Variants in SRGAP1 observed in about 807,000 individuals in gnomAD.
The protein encoded by SRGAP1 is SLIT-ROBO Rho GTPase-activating protein 1.
Under a neutral mutation model 121.9 loss-of-function variants are expected in SRGAP1, and 43 were observed. That is an observed-to-expected ratio of 0.35 (90% confidence interval 0.28 to 0.46). The LOEUF (loss-of-function observed/expected upper bound fraction) is 0.46. Among genes scored for constraint, SRGAP1 ranks in the 20% least tolerant of loss-of-function variants. The probability of loss-of-function intolerance (pLI) is 1.00; values close to 1 mark genes in which losing one functional copy is unlikely to be tolerated. For synonymous variants in SRGAP1, 447 were observed against 485.4 expected (o/e 0.92, Z 1.04); for missense variants, 1,102 against 1,350.9 (o/e 0.82, Z 2.89).
At chr12:63,981,747 C>CA (rs1453129301) in intron 1 of SRGAP1, among the ~76,000 whole-genome samples, 5 of 152,312 alleles carry the variant, frequency 3.3e-5, no homozygotes, top group Middle Eastern at 6.8e-3. Flanking sequence ...CAAGCAAGGA[C>CA]ACTTGAGAAA....
chr12:63,998,761 C>T (rs867363783), intron 3 of SRGAP1, among the ~76,000 whole-genome samples: 3 of 152,092 alleles, frequency 2.0e-5, no homozygotes, highest in South Asian at 2.1e-4. Flanking sequence ...GCATGAACTT[C>T]CTTAGAGAGA....
intron 6 of SRGAP1, among the ~76,000 whole-genome samples, chr12:64,051,002 G>A (rs1341486751): frequency 6.6e-6 from 1 of 152,198 alleles, no homozygotes; most frequent in Non-Finnish European, 1.5e-5. Context: ...GGGATTACAG[G>A]CTTGAGCCAC....
chr12:63,858,990 A>G (rs768772358), intron 1 of SRGAP1, among the ~76,000 whole-genome samples: 1 of 152,024 alleles, frequency 6.6e-6, no homozygotes, highest in Non-Finnish European at 1.5e-5. Flanking sequence ...GGCGTGAGCC[A>G]CTGTGCCTGG....
At chr12:63,927,683 C>T (rs1006000914) in intron 1 of SRGAP1, among the ~76,000 whole-genome samples, 1 of 152,142 alleles carries the variant, frequency 6.6e-6, no homozygotes, top group African/African-American at 2.4e-5. Context: ...ATATAAAATA[C>T]TGTTTCCTTT....
At chr12:63,988,907 T>C (rs1593009479) in intron 2 of SRGAP1, among the ~76,000 whole-genome samples, 2 of 152,032 alleles carry the variant, frequency 1.3e-5, no homozygotes, top group Admixed American at 1.3e-4. Flanking sequence ...ACCTCCTAGG[T>C]TTGAGCAATT....
intron 1 of SRGAP1, among the ~76,000 whole-genome samples, chr12:63,911,850 G>T (rs1015588501): frequency 3.3e-5 from 5 of 152,120 alleles, no homozygotes; most frequent in African/African-American, 1.2e-4. Context: ...CTAATTTTAG[G>T]GATAACTAAG....
At chr12:63,900,656 C>CA (rs1407756282) in intron 1 of SRGAP1, among the ~76,000 whole-genome samples, 1 of 151,412 alleles carries the variant, frequency 6.6e-6, no homozygotes, top group Non-Finnish European at 1.5e-5. Flanking sequence ...CTACTAAAAA[C>CA]ACAAAAAATT....
chr12:63,898,962 C>T (rs1355923713), intron 1 of SRGAP1, among the ~76,000 whole-genome samples: 1 of 152,150 alleles, frequency 6.6e-6, no homozygotes, highest in African/African-American at 2.4e-5. Flanking sequence ...TTAAGTTTCA[C>T]TATTGTTTTT....
intron 8 of SRGAP1, 42 bp downstream of exon 8, chr12:64,065,261 A>T (rs2035518188): frequency 1.4e-6 from 2 of 1,473,118 alleles, no homozygotes; most frequent in South Asian, 2.4e-5. Flanking sequence ...ATCTGAATTC[A>T]AATATAACTG....
At chr12:64,067,342 C>G (rs1173584080) in intron 8 of SRGAP1, among the ~76,000 whole-genome samples, 1 of 152,238 alleles carries the variant, frequency 6.6e-6, no homozygotes, top group East Asian at 1.9e-4. Flanking sequence ...CCTAGGAGTT[C>G]GAGACTGCAC....
At chr12:63,956,057 A>G (rs181676012) in intron 1 of SRGAP1, among the ~76,000 whole-genome samples, 15 of 152,304 alleles carry the variant, frequency 9.8e-5, no homozygotes, top group African/African-American at 3.6e-4. Flanking sequence ...TTTGCATGAC[A>G]TAAGAGTGAT....
intron 1 of SRGAP1, among the ~76,000 whole-genome samples, chr12:63,934,776 C>CCCAG (rs1176334573): frequency 6.6e-6 from 1 of 152,146 alleles, no homozygotes; most frequent in Non-Finnish European, 1.5e-5. Flanking sequence ...TCAGCCCCTG[C>CCCAG]CTGGCCCTTT....
intron 16 of SRGAP1, among the ~76,000 whole-genome samples, chr12:64,110,137 G>T (rs903441143): frequency 1.2e-4 from 19 of 152,076 alleles, no homozygotes; most frequent in Non-Finnish European, 1.6e-4. Context: ...ACTCACTCAG[G>T]CAGTTTTAAA....
chr12:63,866,123 C>G (rs761736826), intron 1 of SRGAP1, among the ~76,000 whole-genome samples: 6 of 152,184 alleles, frequency 3.9e-5, no homozygotes, highest in Non-Finnish European at 5.9e-5. Flanking sequence ...TTCCAATATG[C>G]TTCAAATGCT....
intron 18 of SRGAP1, among the ~76,000 whole-genome samples, chr12:64,116,911 T>C (rs545168261): frequency 1.3e-5 from 2 of 152,276 alleles, no homozygotes. Flanking sequence ...GTGAAGACTT[T>C]GGTGTGCTTT....
chr12:63,861,992 A>T (rs1229295113), intron 1 of SRGAP1, among the ~76,000 whole-genome samples: 1 of 152,064 alleles, frequency 6.6e-6, no homozygotes, highest in African/African-American at 2.4e-5. Flanking sequence ...GTGGTGGCGC[A>T]TGCCTGTAAT....
In SRGAP1 at chr12:64,036,633, C is replaced by A. The variant is rs111287280; in HGVS notation, c.490-6157C>A. ...TTTCTTTTCTGAGAGGCCATAAATTCCAACACTAACCATATTTCACAAATG... is the reference window on the plus strand; with the variant it reads ...TTTCTTTTCTGAGAGGCCATAAATTACAACACTAACCATATTTCACAAATG... On this transcript the variant is annotated intron_variant, in intron 4 of 21. Coordinates refer to ENST00000355086, the MANE Select transcript of SRGAP1 (RefSeq NM_020762.4). Among the ~76,000 whole-genome samples, 1,316 of 152,240 alleles carry A rather than the reference C, an allele frequency of 8.6e-3. 19 individuals carry two copies. The highest frequency in any genetic ancestry group is 0.03 in the African/African-American group (1,235 of 41,538).
At chr12:63,848,591 C>T (rs574266355) in intron 1 of SRGAP1, among the ~76,000 whole-genome samples, 1 of 151,846 alleles carries the variant, frequency 6.6e-6, no homozygotes, top group Admixed American at 6.6e-5. Flanking sequence ...GTCACCCAAG[C>T]TGGAGTGCAG....
intron 3 of SRGAP1, among the ~76,000 whole-genome samples, chr12:63,994,065 G>T (rs1177547839): frequency 6.6e-6 from 1 of 152,120 alleles, no homozygotes; most frequent in Non-Finnish European, 1.5e-5. Flanking sequence ...GGGAATATTT[G>T]TAAATACGCC....
Sources: gnomAD v4.1 joint callset for allele counts (sites outside exome capture counted in the v4.1 genomes callset) on GRCh38, gnomAD v4.1.1 for gene constraint, MANE v1.5 for transcripts, NCBI Gene and HGNC (gene_info 2026-07-23, HGNC 2026-07-21) for gene names.